DLG5: variants seen among roughly 807,000 people sequenced by gnomAD.
The protein encoded by DLG5 is disks large homolog 5.
Under a neutral mutation model 189.8 loss-of-function variants are expected in DLG5, and 48 were observed. That is an observed-to-expected ratio of 0.25 (90% CI 0.20 to 0.32). The LOEUF (loss-of-function observed/expected upper bound fraction) is 0.32. Among genes scored for constraint, DLG5 ranks in the 10% least tolerant of loss-of-function variants. The pLI, the probability that DLG5 is intolerant of heterozygous loss-of-function variation, is 1.00. For synonymous variants in DLG5, 1,016 were observed against 1,054.1 expected (o/e 0.96, Z 0.70); for missense variants, 2,160 against 2,544.7 (o/e 0.85, Z 3.25).
At chr10:77,877,825 C>T (rs1845148222) in intron 1 of DLG5, among the ~76,000 whole-genome samples, 1 of 152,104 alleles carries the variant, frequency 6.6e-6, no homozygotes, top group South Asian at 2.1e-4. Flanking sequence ...CCAAGCCTGA[C>T]AGCACCCACA....
intron 5 of DLG5, among the ~76,000 whole-genome samples, chr10:77,847,182 G>A (rs1363753879): frequency 1.3e-5 from 2 of 152,088 alleles, no homozygotes; most frequent in African/African-American, 4.8e-5. Flanking sequence ...CCTTTCAGCT[G>A]CTCCCCCCAG....
chr10:77,829,413 C>T lies in DLG5; in HGVS notation c.2127G>A (p.Arg709=), dbSNP rs148441576. 2.1e-4 allele frequency: 347 copies of T among 1,614,246 alleles called. 1 individual carries two copies. The African/African-American group carries it at 4.3e-3, about 20-fold the overall frequency. ...EGAINMVVRR[R]KSLGGKVVTP... ...TGACCACCTTCCCACCCAGGGACTTCCTCCGCCGCACGACCATGTTGATGG... is the reference window on the plus strand; with the variant it reads ...TGACCACCTTCCCACCCAGGGACTTTCTCCGCCGCACGACCATGTTGATGG... Residue 709 remains arginine, a synonymous_variant, in exon 12 of 32, where the codon AGG becomes AGA. Coordinates refer to ENST00000372391, the MANE Select transcript of DLG5 (RefSeq NM_004747.4).
intron 5 of DLG5, among the ~76,000 whole-genome samples, chr10:77,851,055 G>C (rs1378316468): frequency 6.6e-6 from 1 of 152,182 alleles, no homozygotes; most frequent in Non-Finnish European, 1.5e-5. Context: ...GGTAAAGGCC[G>C]GGAGAGGCCG....
intron 27 of DLG5, among the ~76,000 whole-genome samples, chr10:77,804,485 G>A (rs768573521): frequency 9.9e-5 from 15 of 152,140 alleles, no homozygotes; most frequent in Non-Finnish European, 2.1e-4. Flanking sequence ...TGTAAAAAGC[G>A]AAGAGAGGGA....
intron 1 of DLG5, chr10:77,869,595 GAAC>G (rs1450737982): frequency 3.5e-5 from 8 of 229,500 alleles, no homozygotes; most frequent in Non-Finnish European, 5.9e-5. Context: ...AGAAATTAAA[GAAC>G]AACTGAACTA....
rs113901463 is a variant in DLG5, at chr10:77,803,524, A to T, written c.5164+2141T>A. Among the ~76,000 whole-genome samples, 162 of 152,366 alleles carry T rather than the reference A, an allele frequency of 1.1e-3. 1 individual carries two copies. The highest frequency in any genetic ancestry group is 3.8e-3 in the African/African-American group (159 of 41,590). On this transcript the variant is annotated intron_variant, in intron 27 of 31. Transcript: ENST00000372391. Reference sequence around the variant, plus strand: ...CAAAGATAACCAAAAGAAAACTGGTAATGTCAATAAAAATATCACGTAAAA... The same window carrying T: ...CAAAGATAACCAAAAGAAAACTGGTTATGTCAATAAAAATATCACGTAAAA...
In DLG5 at chr10:77,842,064, C is replaced by T. The variant is rs16935401; in HGVS notation, c.1254G>A (p.Ser418=). ...CGTCCCGCTCCTCCCTGTATTTCTC[C>T]GACTCCTTTGCTGTCTTCACCTGCG... ...RTTQVKTAKE[S]EKYREERDAV... is the part of the protein sequence containing the mutation. The change falls in exon 7 of 32, where the codon TCG becomes TCA. Residue 418 remains serine, a synonymous_variant. Transcript: ENST00000372391. The T allele has an allele frequency of 0.019, 30,417 of 1,614,098 alleles. 3,313 individuals carry two copies. The African/African-American group carries it at 0.29, about 15-fold the overall frequency.
chr10:77,868,376 G>T, intron 2 of DLG5: 1 of 350,816 alleles, frequency 2.9e-6, no homozygotes, highest in South Asian at 2.2e-5. Context: ...CACACTGGAG[G>T]TGTTCAAGAT....
At position 77,821,150 on chromosome 10, in the gene DLG5, G is replaced by A. The variant is rs148049980; in HGVS notation, c.3334C>T (p.Arg1112Trp). 133 of 1,614,130 alleles carry A rather than the reference G, an allele frequency of 8.2e-5. No individual in the cohort carries two copies. In the East Asian group the frequency reaches 8.9e-4, roughly 11 times the overall value. The change falls in exon 15 of 32, where the codon CGG becomes TGG. Residue 1112 changes from arginine to tryptophan, a missense_variant. Around this residue, in one of 5 missense-constraint regions of DLG5, gnomAD observed 754 missense variants for 746.5 expected, o/e 1.01. Coordinates refer to ENST00000372391, the MANE Select transcript of DLG5 (RefSeq NM_004747.4). ...CGAAAACTGGGAGCAGATTTTGGCCGGCGACGCTTCTGCCCCAGCTCATCC... is the reference window on the plus strand; with the variant it reads ...CGAAAACTGGGAGCAGATTTTGGCCAGCGACGCTTCTGCCCCAGCTCATCC... ...KVDELGQKRR[R>W]PKSAPSFRPK...
In DLG5 at chr10:77,852,410, C is replaced by A. The variant is rs570563627; in HGVS notation, c.864+944G>T. 1.2e-4 allele frequency among the ~76,000 whole-genome samples: 17 copies of A among 143,782 alleles called. No homozygotes were observed. The South Asian group carries it at 3.5e-3, about 30-fold the overall frequency. 94.3% of individuals were successfully genotyped at this position (143,782 alleles called of 152,430 possible). ...ATAAAATAACAGGAATCACATTTGT[C>A]ACTGTTTGTTTGTTTGTTTGTTTGA... is the stretch of plus-strand genomic sequence containing the variant. On this transcript the variant is annotated intron_variant, in intron 5 of 31. Coordinates refer to ENST00000372391, the MANE Select transcript of DLG5 (RefSeq NM_004747.4).
At chr10:77,908,802 G>A (rs1400925429) in intron 1 of DLG5, among the ~76,000 whole-genome samples, 1 of 151,910 alleles carries the variant, frequency 6.6e-6, no homozygotes, top group East Asian at 1.9e-4. Context: ...GGTGGGGGGA[G>A]AGAAGCCATC....
chr10:77,904,542 A>G (rs1183756065), intron 1 of DLG5, among the ~76,000 whole-genome samples: 1 of 151,968 alleles, frequency 6.6e-6, no homozygotes, highest in Non-Finnish European at 1.5e-5. Flanking sequence ...TGTGGGAGGG[A>G]CTTACGGGGA....
intron 15 of DLG5, 66 bp from the exon 16 acceptor site, chr10:77,820,084 A>T: frequency 6.3e-7 from 1 of 1,596,394 alleles, no homozygotes; most frequent in South Asian, 1.1e-5. Context: ...AGTGGCTCAC[A>T]CCTATAATCC....
chr10:77,793,577 G>A (rs1017542253), intron 31 of DLG5: 3 of 158,486 alleles, frequency 1.9e-5, no homozygotes, highest in Non-Finnish European at 4.1e-5. Flanking sequence ...TTGGAGGGGG[G>A]TTTGCCAAAT....
At chr10:77,801,542 G>A (rs566473425) in intron 27 of DLG5, among the ~76,000 whole-genome samples, 1 of 152,322 alleles carries the variant, frequency 6.6e-6, no homozygotes, top group South Asian at 2.1e-4. Context: ...ACTGCGGCCA[G>A]GAATCTCCAA....
Position 77,835,813 on chromosome 10 carries a change from G to A in DLG5, c.1547C>T (p.Ala516Val), listed in dbSNP as rs148962313. 93 of 1,613,896 alleles carry A rather than the reference G, an allele frequency of 5.8e-5. No homozygotes were observed. Among genetic ancestry groups the A allele is most frequent in the East Asian group, 8.9e-5 (4 of 44,886 alleles). Reference protein sequence around the residue: ...CQELKEALQEADVAKCRRDWA... With the variant: ...CQELKEALQEVDVAKCRRDWA... ...GTCCCGCCGGCACTTGGCCACATCC[G>A]CCTCCTGGAGGGCTTCCTTCAGCTC... Residue 516 changes from alanine (A) to valine (V), a missense_variant, in exon 8 of 32, where the codon GCG (alanine) becomes GTG (valine). By Grantham distance (64) the Ala-to-Val change is moderately conservative (BLOSUM62 0). Coordinates refer to ENST00000372391, the MANE Select transcript of DLG5 (RefSeq NM_004747.4).
At chr10:77,916,331 C>T (rs1283338776) in intron 1 of DLG5, among the ~76,000 whole-genome samples, 1 of 152,010 alleles carries the variant, frequency 6.6e-6, no homozygotes, top group Non-Finnish European at 1.5e-5. Context: ...GCTCTTGTTG[C>T]CCAGGCTGGA....
At chr10:77,916,911 A>ATATATATATATT (rs1255052419) in intron 1 of DLG5, among the ~76,000 whole-genome samples, 1 of 140,548 alleles carries the variant, frequency 7.1e-6, no homozygotes, top group Non-Finnish European at 1.5e-5. Context: ...TAGAATATAT[A>ATATATATATATT]TATATATATA....
Position 77,811,932 on chromosome 10 carries a change from G to A in DLG5, c.4314C>T (p.Ser1438=), listed in dbSNP as rs988782027. 3 of 1,605,010 alleles carry A rather than the reference G, an allele frequency of 1.9e-6. No homozygotes were observed. In the African/African-American group the frequency reaches 4.0e-5, roughly 21 times the overall value. Residue 1438 remains serine, a synonymous_variant, in exon 22 of 32, where the codon TCC becomes TCT. Transcript: ENST00000372391. The part of the protein sequence containing the change: ...NPHVHQLSSH[S]RSSSHLDPAG... ...GGGAGGCCCGCACTCACCTGGACCGGGAGTGGCTGCTGAGCTGGTGCACGT... is the reference window on the plus strand; with the variant it reads ...GGGAGGCCCGCACTCACCTGGACCGAGAGTGGCTGCTGAGCTGGTGCACGT...
Sources: gnomAD v4.1 joint callset for allele counts (sites outside exome capture counted in the v4.1 genomes callset) on GRCh38, gnomAD v4.1.1 for gene constraint, gnomAD v4.1.1 regional missense constraint, MANE v1.5 for transcripts, NCBI Gene and HGNC (gene_info 2026-07-23, HGNC 2026-07-21) for gene names.